PCDH10: variants seen among roughly 807,000 people sequenced by gnomAD.
PCDH10 encodes protocadherin-10.
In PCDH10, 15 loss-of-function variants were observed where a neutral mutation model predicts 74.4. That is an observed-to-expected ratio of 0.20 (90% confidence interval 0.13 to 0.31). The LOEUF (loss-of-function observed/expected upper bound fraction) is 0.31. Ranked by LOEUF, PCDH10 falls within the 10% of genes least tolerant of loss-of-function variation. The pLI, the probability that PCDH10 is intolerant of heterozygous loss-of-function variation, is 1.00. For missense variants in PCDH10, 1,260 were observed against 1,390.2 expected (o/e 0.91, Z 1.49); for synonymous variants, 619 against 589.8 (o/e 1.05, Z -0.72).
intron 2 of PCDH10, among the ~76,000 whole-genome samples, chr4:133,202,884 T>A (rs2125878159): frequency 6.6e-6 from 1 of 152,246 alleles, no homozygotes; most frequent in Non-Finnish European, 1.5e-5. Context: ...GCTCCACAAG[T>A]GAGTTGATCT....
chr4:133,184,444 G>A (rs1727487450), intron 4 of PCDH10, among the ~76,000 whole-genome samples: 1 of 151,586 alleles, frequency 6.6e-6, no homozygotes. Flanking sequence ...GCAACATGGT[G>A]AAACCCCATC....
At chr4:133,182,320 T>C (rs1727434193) in intron 4 of PCDH10, among the ~76,000 whole-genome samples, 1 of 151,996 alleles carries the variant, frequency 6.6e-6, no homozygotes, top group Admixed American at 6.6e-5. Flanking sequence ...ACTTGAAAAG[T>C]GTCTAAATGT....
At chr4:133,175,769 T>C (rs944032464) in intron 4 of PCDH10, among the ~76,000 whole-genome samples, 1 of 152,102 alleles carries the variant, frequency 6.6e-6, no homozygotes, top group African/African-American at 2.4e-5. Context: ...TGTGATATGC[T>C]CAGGGTCATC....
In PCDH10 at chr4:133,152,519, C is replaced by T. The variant is rs910834595; in HGVS notation, c.2379C>T (p.Ser793=). 4 of 1,613,988 alleles carry T rather than the reference C, an allele frequency of 2.5e-6. No homozygotes were observed. In the African/African-American group the frequency reaches 5.3e-5, roughly 22 times the overall value. The change falls in exon 1 of 5, where the codon TCC becomes TCT. Residue 793 remains serine, a synonymous_variant. Coordinates refer to ENST00000264360, the MANE Select transcript of PCDH10 (RefSeq NM_032961.3). Reference sequence around the variant, plus strand: ...CAGACATCATGCTGGTGCAGAGCTCCAATGTACCCAGTAACCCGGCCCAGG... The same window carrying T: ...CAGACATCATGCTGGTGCAGAGCTCTAATGTACCCAGTAACCCGGCCCAGG... ...SKSDIMLVQS[S]NVPSNPAQVP... is the part of the protein sequence containing the mutation.
In PCDH10 at chr4:133,151,943, C is replaced by A. The variant is rs1375283661; in HGVS notation, c.1803C>A (p.Thr601=). ...CGGCGGAGCCGGGTTACCTGCTCAC[C>A]CGCGTGGCCGCCGTGGACGCGGACG... is the stretch of plus-strand genomic sequence containing the variant. The part of the protein sequence containing the change: ...PRSAEPGYLL[T]RVAAVDADDG... The change falls in exon 1 of 5, where the codon ACC becomes ACA. Residue 601 remains threonine, a synonymous_variant. Transcript: ENST00000264360. The A allele has an allele frequency of 1.2e-6, 2 of 1,612,332 alleles. No homozygotes were observed. The highest frequency in any genetic ancestry group is 3.3e-5 in the Admixed American group (2 of 59,978).
At chr4:133,178,339 C>A (rs569950131) in intron 4 of PCDH10, among the ~76,000 whole-genome samples, 3 of 151,910 alleles carry the variant, frequency 2.0e-5, no homozygotes, top group African/African-American at 7.3e-5. Flanking sequence ...CGGATTCAAG[C>A]GATTCTCCTG....
At chr4:133,200,793 G>C (rs1281346638) in intron 2 of PCDH10, among the ~76,000 whole-genome samples, 1 of 152,116 alleles carries the variant, frequency 6.6e-6, no homozygotes, top group African/African-American at 2.4e-5. Flanking sequence ...ACCTGTGCCA[G>C]GCTATGTTTC....
Position 133,163,276 on chromosome 4 carries a change from T to C in PCDH10, c.3097T>C (p.Tyr1033His). 6.2e-7 allele frequency: 1 copy of C among 1,609,230 alleles called. No individual in the cohort carries two copies. Among genetic ancestry groups the C allele is most frequent in the Non-Finnish European group, 8.5e-7 (1 of 1,177,508 alleles). The change falls in exon 4 of 5, where the codon TAT (tyrosine) becomes CAT (histidine). Residue 1033 changes from tyrosine (Y) to histidine (H), a missense_variant. Physicochemically the swap from Tyr to His is moderately conservative, Grantham distance 83. This residue lies in a region of PCDH10 where 136 missense variants were observed against 149.3 expected (regional missense o/e 0.91). Transcript: ENST00000264360. ...TACGCGAGCGCCTTACAAACCACCA[T>C]ATTTGAGTAAGTATTACACAAAGGG... ...TNTRAPYKPP[Y>H]LTRKRIC is the part of the protein sequence containing the mutation.
chr4:133,169,103 C>A (rs772779098), intron 4 of PCDH10, among the ~76,000 whole-genome samples: 34 of 151,596 alleles, frequency 2.2e-4, no homozygotes, highest in Non-Finnish European at 1.9e-4. Flanking sequence ...TATTTCTTAA[C>A]CCTTTTAGAA....
chr4:133,177,611 G>A (rs541094860), intron 4 of PCDH10, among the ~76,000 whole-genome samples: 1 of 152,086 alleles, frequency 6.6e-6, no homozygotes, highest in Non-Finnish European at 1.5e-5. Context: ...TTCCTCATAT[G>A]AAAAGAAAAA....
At chr4:133,159,316 A>G (rs1726919815) in intron 3 of PCDH10, among the ~76,000 whole-genome samples, 1 of 152,120 alleles carries the variant, frequency 6.6e-6, no homozygotes, top group South Asian at 2.1e-4. Context: ...TGCCAGTTGA[A>G]AACCATGTAC....
In PCDH10 at chr4:133,153,682, G is replaced by C. The variant is rs549739365; in HGVS notation, c.2632-625G>C. 3 of 150,576 alleles carry C rather than the reference G, an allele frequency of 2.0e-5. No homozygotes were observed. The East Asian group carries it at 5.9e-4, about 30-fold the overall frequency. The allele number at this position is 150,576 out of a possible 1,614,324, so 9.3% of individuals were successfully genotyped here. A position where few individuals can be genotyped will look rare whatever the true frequency, so the allele number is the denominator to read the frequency against. ...CCGGAAAGGTGTGTGGGTGGTAGAG[G>C]TGGGGAGGCGAATGCAGAGGGCCTT... On this transcript the variant is annotated intron_variant, in intron 1 of 4. Coordinates refer to ENST00000264360, the MANE Select transcript of PCDH10 (RefSeq NM_032961.3).
At chr4:133,198,577 GAC>G (rs1318229061), downstream of PCDH10, among the ~76,000 whole-genome samples, 6 of 152,150 alleles carry the variant, frequency 3.9e-5, no homozygotes, top group Admixed American at 2.6e-4. Context: ...GGCCTCACAT[GAC>G]AGTGTTTGCA....
intron 4 of PCDH10, among the ~76,000 whole-genome samples, chr4:133,167,728 C>T (rs1727116727): frequency 6.6e-6 from 1 of 151,308 alleles, no homozygotes; most frequent in Admixed American, 6.6e-5. Context: ...CTTTTATATA[C>T]ATACAGATTG....
chr4:133,189,333 C>T (rs183834927), intron 4 of PCDH10, among the ~76,000 whole-genome samples: 1 of 152,008 alleles, frequency 6.6e-6, no homozygotes, highest in Non-Finnish European at 1.5e-5. Flanking sequence ...AACTTCTGCT[C>T]TCATTGTGCT....
At chr4:133,176,981 A>G (rs1727308701) in intron 4 of PCDH10, among the ~76,000 whole-genome samples, 1 of 152,122 alleles carries the variant, frequency 6.6e-6, no homozygotes, top group Non-Finnish European at 1.5e-5. Flanking sequence ...AGGCAAAAAA[A>G]AATTAAAATA....
In PCDH10 at chr4:133,194,158, G is replaced by A. The variant is rs1470751698; in HGVS notation, c.*3998G>A. The stretch of plus-strand genomic sequence containing the variant: ...CGACTAAAATTCTAATACTTTTAGT[G>A]TGCATGCGTGTATTTCTAATCACTG... On this transcript the variant is annotated 3_prime_UTR_variant, in exon 5 of 5. Transcript: ENST00000264360. 1 of 151,824 alleles carries A rather than the reference G, an allele frequency of 6.6e-6. No homozygotes were observed. 9.4% of individuals were successfully genotyped at this position (151,824 alleles called of 1,614,324 possible).
Position 133,150,303 on chromosome 4 carries a change from A to C in PCDH10, c.163A>C (p.Thr55Pro). The change falls in exon 1 of 5, where the codon ACG (threonine) becomes CCG (proline). Residue 55 changes from threonine to proline, a missense_variant. By Grantham distance (38) the Thr-to-Pro change is conservative (BLOSUM62 -1). Around this residue, in one of 11 missense-constraint regions of PCDH10, gnomAD observed 103 missense variants for 91.5 expected, o/e 1.13. Coordinates refer to ENST00000264360, the MANE Select transcript of PCDH10 (RefSeq NM_032961.3). Reference sequence around the variant, plus strand: ...AAAACTTTCGGCTCGCGGGTTTCAGACGGTGCCCAACTCAAGGACCCCTTA... The same window carrying C: ...AAAACTTTCGGCTCGCGGGTTTCAGCCGGTGCCCAACTCAAGGACCCCTTA... ...ITKLSARGFQTVPNSRTPYLD... is the reference protein window; with the variant it reads ...ITKLSARGFQPVPNSRTPYLD... 1 of 1,613,776 alleles carries C rather than the reference A, an allele frequency of 6.2e-7. No individual in the cohort carries two copies. The highest frequency in any genetic ancestry group is 8.5e-7 in the Non-Finnish European group (1 of 1,179,934).
intron 1 of PCDH10, 24 bp from the exon 2 acceptor site, chr4:133,154,283 T>C: frequency 6.4e-7 from 1 of 1,558,404 alleles, no homozygotes; most frequent in African/African-American, 1.4e-5. Flanking sequence ...TCAAATGCTC[T>C]TGATTTATTT....
Sources: allele counts gnomAD v4.1 joint callset (sites outside exome capture counted in the v4.1 genomes callset), GRCh38; gene constraint gnomAD v4.1.1; regional missense constraint gnomAD v4.1.1; transcripts MANE v1.5; gene names NCBI Gene and HGNC (gene_info 2026-07-23, HGNC 2026-07-21).